Variants in CAMK1D observed in about 807,000 individuals in gnomAD.
CAMK1D encodes calcium/calmodulin dependent protein kinase ID.
Under a neutral mutation model 47.7 loss-of-function variants are expected in CAMK1D, and 9 were observed. The observed-to-expected ratio is 0.19, with a 90% CI of 0.11 to 0.33. CAMK1D has a LOEUF of 0.33. Among genes scored for constraint, CAMK1D ranks in the 10% least tolerant of loss-of-function variants. The pLI, the probability that CAMK1D is intolerant of heterozygous loss-of-function variation, is 1.00. For missense variants in CAMK1D, 291 were observed against 488.7 expected (o/e 0.60, Z 3.81); for synonymous variants, 184 against 184.9 (o/e 0.99, Z 0.04).
chr10:12,428,391 A>G lies in CAMK1D; in HGVS notation c.92+78481A>G, dbSNP rs76152085. On this transcript the variant is annotated intron_variant, in intron 1 of 10. Transcript: ENST00000619168. Reference sequence around the variant, plus strand: ...ATAGATAGCTTGTTAAAGACTGTCTATTCTTTCTCACCAAAATTTCTTTTC... The same window carrying G: ...ATAGATAGCTTGTTAAAGACTGTCTGTTCTTTCTCACCAAAATTTCTTTTC... Among the ~76,000 whole-genome samples the G allele has an allele frequency of 2.1e-3, 314 of 152,202 alleles. 1 individual carries two copies. Among genetic ancestry groups the G allele is most frequent in the South Asian group, 3.7e-3 (18 of 4,824 alleles).
intron 2 of CAMK1D, among the ~76,000 whole-genome samples, chr10:12,647,674 G>C (rs1214742063): frequency 6.6e-6 from 1 of 152,160 alleles, no homozygotes; most frequent in East Asian, 1.9e-4. Context: ...CCCTGCTTTA[G>C]GAGATTCTGT....
intron 3 of CAMK1D, among the ~76,000 whole-genome samples, chr10:12,688,648 C>G (rs781271874): frequency 6.6e-6 from 1 of 152,102 alleles, no homozygotes; most frequent in Non-Finnish European, 1.5e-5. Flanking sequence ...AGTTTAGCCT[C>G]AGATGTCTCT....
At chr10:12,689,754 C>T (rs1009330420) in intron 3 of CAMK1D, among the ~76,000 whole-genome samples, 10 of 148,410 alleles carry the variant, frequency 6.7e-5, no homozygotes, top group South Asian at 2.2e-4. Flanking sequence ...CCAGCCTGGG[C>T]GACAGGGCGA....
At chr10:12,639,252 A>G (rs1163217672) in intron 2 of CAMK1D, among the ~76,000 whole-genome samples, 5 of 152,324 alleles carry the variant, frequency 3.3e-5, no homozygotes, top group Middle Eastern at 3.4e-3. Context: ...TTGGGAGGCC[A>G]AAGCGGGTGG....
chr10:12,785,077 C>G (rs531545310), intron 5 of CAMK1D, among the ~76,000 whole-genome samples: 1 of 152,158 alleles, frequency 6.6e-6, no homozygotes, highest in Non-Finnish European at 1.5e-5. Context: ...ACAGCCGCCC[C>G]CACGCTAACC....
chr10:12,425,123 G>A (rs1048706725), intron 1 of CAMK1D, among the ~76,000 whole-genome samples: 3 of 152,050 alleles, frequency 2.0e-5, no homozygotes, highest in Admixed American at 6.6e-5. Flanking sequence ...CCTTGACCAC[G>A]TGGTCCATCT....
At chr10:12,745,083 C>T (rs952315405) in intron 3 of CAMK1D, among the ~76,000 whole-genome samples, 6 of 152,220 alleles carry the variant, frequency 3.9e-5, no homozygotes, top group Non-Finnish European at 7.3e-5. Flanking sequence ...CAGGCTGGAG[C>T]GCAATGGCGC....
At chr10:12,766,929 G>C (rs757179984) in intron 4 of CAMK1D, among the ~76,000 whole-genome samples, 1 of 152,166 alleles carries the variant, frequency 6.6e-6, no homozygotes, top group Non-Finnish European at 1.5e-5. Context: ...TGGTCAAGGA[G>C]GGAGTCTTGG....
At chr10:12,507,059 G>A (rs1483107394) in intron 1 of CAMK1D, among the ~76,000 whole-genome samples, 1 of 152,224 alleles carries the variant, frequency 6.6e-6, no homozygotes, top group African/African-American at 2.4e-5. Flanking sequence ...TTGTTCGTTG[G>A]AATGCTGAGT....
chr10:12,662,352 G>A (rs764542155), intron 2 of CAMK1D, among the ~76,000 whole-genome samples: 15 of 152,152 alleles, frequency 9.9e-5, no homozygotes, highest in African/African-American at 3.1e-4. Context: ...ATATCAACCC[G>A]AGTAAGAAAG....
At chr10:12,353,833 G>T (rs2801500) in intron 1 of CAMK1D, among the ~76,000 whole-genome samples, 1 of 151,594 alleles carries the variant, frequency 6.6e-6, no homozygotes, top group Non-Finnish European at 1.5e-5. Context: ...GTTATGTAAT[G>T]GCAAATTAGG....
At chr10:12,396,287 T>C (rs2724808) in intron 1 of CAMK1D, among the ~76,000 whole-genome samples, 2,470 of 152,288 alleles carry the variant, frequency 0.016, 70 homozygotes, top group African/African-American at 0.056. Flanking sequence ...TGGTGTCCTG[T>C]CTTCTTTACT....
chr10:12,793,988 A>G (rs1055620518), intron 6 of CAMK1D, among the ~76,000 whole-genome samples: 1 of 152,252 alleles, frequency 6.6e-6, no homozygotes, highest in Non-Finnish European at 1.5e-5. Context: ...ATTTTAACCC[A>G]AGAGCAGTAG....
rs1055595556 is a variant in CAMK1D, at chr10:12,494,731, A to AT, written c.93-58485dup. On this transcript the variant is annotated intron_variant, in intron 1 of 10. Transcript: ENST00000619168. ...AGGCATGTGCCACCACACCTGGCTA[A>AT]TTTTTTTTTGTATTTTTAGTAGAGA... Among the ~76,000 whole-genome samples, 9 of 151,362 alleles carry AT rather than the reference A, an allele frequency of 5.9e-5. No homozygotes were observed. In the South Asian group the frequency reaches 1.0e-3, roughly 18 times the overall value.
chr10:12,809,001 C>A (rs1185851146), intron 6 of CAMK1D, among the ~76,000 whole-genome samples: 1 of 151,830 alleles, frequency 6.6e-6, no homozygotes, highest in African/African-American at 2.4e-5. Flanking sequence ...CCTGTAATCC[C>A]AGGTGCGCAG....
At chr10:12,650,804 CACTT>C (rs772975213) in intron 2 of CAMK1D, among the ~76,000 whole-genome samples, 1 of 152,156 alleles carries the variant, frequency 6.6e-6, no homozygotes, top group Non-Finnish European at 1.5e-5. Flanking sequence ...GCTCTGCAGA[CACTT>C]AGTCCACCAG....
intron 1 of CAMK1D, among the ~76,000 whole-genome samples, chr10:12,460,893 T>C (rs190520464): frequency 2.5e-3 from 388 of 152,312 alleles, no homozygotes; most frequent in Non-Finnish European, 4.9e-3. Context: ...CTTAAAAGGG[T>C]TGGACTCTCT....
chr10:12,716,202 T>G (rs1033914689), intron 3 of CAMK1D, among the ~76,000 whole-genome samples: 3 of 152,156 alleles, frequency 2.0e-5, no homozygotes, highest in Non-Finnish European at 4.4e-5. Context: ...CCAGGGACTC[T>G]CAGCCTTGGC....
intron 1 of CAMK1D, among the ~76,000 whole-genome samples, chr10:12,507,381 C>T (rs545721925): frequency 6.6e-6 from 1 of 152,312 alleles, no homozygotes; most frequent in Admixed American, 6.5e-5. Context: ...AACTGGCCAG[C>T]AGCAGGGAAG....
Sources: allele counts gnomAD v4.1 joint callset (sites outside exome capture counted in the v4.1 genomes callset), GRCh38; gene constraint gnomAD v4.1.1; transcripts MANE v1.5; gene names NCBI Gene and HGNC (gene_info 2026-07-23, HGNC 2026-07-21).